The following CNTN4 variants were observed in gnomAD, a reference collection of about 807,000 sequenced individuals.
CNTN4 encodes the protein contactin-4.
In CNTN4, 77 loss-of-function variants were observed where a neutral mutation model predicts 122.5. The observed-to-expected ratio is 0.63, with a 90% CI of 0.52 to 0.76. CNTN4 has a LOEUF of 0.76. Among genes scored for constraint, CNTN4 ranks in the 30% least tolerant of loss-of-function variants. The pLI is 0.00. For synonymous variants in CNTN4, 512 were observed against 447.0 expected (o/e 1.15, Z -1.83); for missense variants, 1,256 against 1,259.1 (o/e 1.00, Z 0.04).
At chr3:2,182,205 ATTAG>A (rs1195216051) in intron 2 of CNTN4, among the ~76,000 whole-genome samples, 20 of 152,024 alleles carry the variant, frequency 1.3e-4, no homozygotes, top group African/African-American at 4.1e-4. Context: ...TAGGTGGAAA[ATTAG>A]TTATCAGCTG....
intron 5 of CNTN4, among the ~76,000 whole-genome samples, chr3:2,741,393 G>A (rs1355162675): frequency 6.6e-6 from 1 of 152,194 alleles, no homozygotes; most frequent in Non-Finnish European, 1.5e-5. Flanking sequence ...CATGGATAAG[G>A]AAAAGAAGTG....
At chr3:2,492,877 G>A (rs576237968) in intron 3 of CNTN4, among the ~76,000 whole-genome samples, 251 of 152,204 alleles carry the variant, frequency 1.6e-3, no homozygotes, top group Non-Finnish European at 3.0e-3. Flanking sequence ...GTCTAAAGTC[G>A]TTTTAATCTA....
At chr3:2,354,675 A>G (rs893914374) in intron 3 of CNTN4, among the ~76,000 whole-genome samples, 1 of 152,196 alleles carries the variant, frequency 6.6e-6, no homozygotes, top group African/African-American at 2.4e-5. Context: ...GTCTGATATT[A>G]GCAGCAGGCA....
intron 4 of CNTN4, among the ~76,000 whole-genome samples, chr3:2,732,092 C>G (rs1037977736): frequency 6.6e-6 from 1 of 152,214 alleles, no homozygotes; most frequent in Non-Finnish European, 1.5e-5. Flanking sequence ...AAAATTACCT[C>G]TCTAAATCTT....
intron 3 of CNTN4, among the ~76,000 whole-genome samples, chr3:2,467,042 T>C (rs1446596824): frequency 6.7e-6 from 1 of 149,390 alleles, no homozygotes; most frequent in Middle Eastern, 3.5e-3. Flanking sequence ...TTCACACATA[T>C]GGAGTAGATG....
intron 4 of CNTN4, among the ~76,000 whole-genome samples, chr3:2,588,426 G>T (rs1394567102): frequency 1.3e-5 from 2 of 152,118 alleles, no homozygotes; most frequent in Non-Finnish European, 2.9e-5. Flanking sequence ...GAGTGCAGTG[G>T]TGTGATCTCG....
At chr3:2,674,489 G>T (rs539218507) in intron 4 of CNTN4, among the ~76,000 whole-genome samples, 1 of 152,250 alleles carries the variant, frequency 6.6e-6, no homozygotes, top group African/African-American at 2.4e-5. Context: ...AGGCATGCTG[G>T]CTCATGCCTA....
chr3:2,649,672 C>T (rs543585126), intron 4 of CNTN4, among the ~76,000 whole-genome samples: 5 of 152,244 alleles, frequency 3.3e-5, no homozygotes, highest in East Asian at 1.9e-4. Flanking sequence ...AACACAACAT[C>T]GAATCTGCAG....
intron 8 of CNTN4, among the ~76,000 whole-genome samples, chr3:2,881,852 C>T (rs1383925890): frequency 6.6e-6 from 1 of 152,118 alleles, no homozygotes; most frequent in Non-Finnish European, 1.5e-5. Flanking sequence ...TTAACCTTTC[C>T]TTCTAAGGTT....
intron 4 of CNTN4, among the ~76,000 whole-genome samples, chr3:2,673,017 G>A (rs868696889): frequency 3.9e-5 from 6 of 152,082 alleles, no homozygotes; most frequent in African/African-American, 1.4e-4. Flanking sequence ...ACTACTTACC[G>A]GTTTCCAAAA....
intron 14 of CNTN4, among the ~76,000 whole-genome samples, chr3:2,990,535 C>T (rs1577529077): frequency 6.6e-6 from 1 of 152,112 alleles, no homozygotes; most frequent in African/African-American, 2.4e-5. Flanking sequence ...GTATTGGCTT[C>T]CTTGGCTCTC....
intron 2 of CNTN4, among the ~76,000 whole-genome samples, chr3:2,338,196 C>T (rs956080735): frequency 6.6e-6 from 1 of 151,828 alleles, no homozygotes; most frequent in African/African-American, 2.4e-5. Flanking sequence ...TGAAGAATAC[C>T]TGTTTAGTCT....
At chr3:2,411,355 A>C (rs1323239761) in intron 3 of CNTN4, among the ~76,000 whole-genome samples, 2 of 152,126 alleles carry the variant, frequency 1.3e-5, no homozygotes, top group Non-Finnish European at 2.9e-5. Flanking sequence ...AAGAAGAAAA[A>C]CTGATATGCA....
chr3:2,976,865 G>A (rs1009512724), intron 13 of CNTN4, among the ~76,000 whole-genome samples: 1 of 151,450 alleles, frequency 6.6e-6, no homozygotes, highest in East Asian at 1.9e-4. Context: ...ACCAAAACAA[G>A]TCTTTTTTTT....
chr3:2,561,869 C>A (rs562205425), intron 3 of CNTN4, among the ~76,000 whole-genome samples: 2 of 152,278 alleles, frequency 1.3e-5, no homozygotes, highest in South Asian at 2.1e-4. Context: ...ACTTGAAATG[C>A]CATGCTGAGA....
chr3:2,773,524 A>C (rs3935672), intron 6 of CNTN4, among the ~76,000 whole-genome samples: 97,545 of 151,894 alleles, frequency 0.64, 33,347 homozygotes, highest in Admixed American at 0.76. Context: ...AACTGGAGGA[A>C]GACCTCAGAA....
chr3:2,545,436 T>C (rs2078204135), intron 3 of CNTN4, among the ~76,000 whole-genome samples: 1 of 152,088 alleles, frequency 6.6e-6, no homozygotes, highest in East Asian at 1.9e-4. Flanking sequence ...ACCGCAATTA[T>C]CTGTCTAATG....
chr3:2,193,780 A>C (rs759657290), intron 2 of CNTN4, among the ~76,000 whole-genome samples: 1 of 152,136 alleles, frequency 6.6e-6, no homozygotes, highest in Non-Finnish European at 1.5e-5. Context: ...TATCTTTTCT[A>C]CGTTTAAATT....
At chr3:2,269,825 A>G (rs997629808) in intron 2 of CNTN4, among the ~76,000 whole-genome samples, 25 of 152,272 alleles carry the variant, frequency 1.6e-4, no homozygotes, top group Middle Eastern at 3.4e-3. Context: ...AGATGGAAAG[A>G]TAGTTTGTAG....
Sources: gnomAD v4.1 joint callset for allele counts (sites outside exome capture counted in the v4.1 genomes callset) on GRCh38, gnomAD v4.1.1 for gene constraint, MANE v1.5 for transcripts, NCBI Gene and HGNC (gene_info 2026-07-23, HGNC 2026-07-21) for gene names.